The following SYNPO2 variants were observed in gnomAD, a reference collection of about 807,000 sequenced individuals.
The protein encoded by SYNPO2 is synaptopodin-2.
SYNPO2 carries 56 observed loss-of-function variants against 85.0 expected under a neutral mutation model. The observed-to-expected ratio is 0.66, with a 90% CI of 0.53 to 0.82. The LOEUF is 0.82. Ranked by LOEUF, SYNPO2 falls within the 40% of genes least tolerant of loss-of-function variation. SYNPO2 has a pLI of 0.00. For missense variants in SYNPO2, 1,575 were observed against 1,534.2 expected (o/e 1.03, Z -0.44); for synonymous variants, 602 against 591.1 (o/e 1.02, Z -0.27).
chr4:118,898,121 T>C (rs1052243010), intron 1 of SYNPO2, among the ~76,000 whole-genome samples: 5 of 152,168 alleles, frequency 3.3e-5, no homozygotes. Context: ...TGATACCTTG[T>C]TTTTGAAGCA....
chr4:118,855,383 G>A (rs1375176025), intron 1 of SYNPO2, among the ~76,000 whole-genome samples: 1 of 151,950 alleles, frequency 6.6e-6, no homozygotes, highest in Admixed American at 6.6e-5. Context: ...TCTCAATGGA[G>A]GCAAAAAGAC....
intron 4 of SYNPO2, among the ~76,000 whole-genome samples, chr4:119,048,826 A>AT (rs959814787): frequency 2.0e-5 from 3 of 152,186 alleles, no homozygotes; most frequent in Non-Finnish European, 4.4e-5. Flanking sequence ...TAGTTGGCAG[A>AT]TTTTGTGGGG....
intron 4 of SYNPO2, chr4:119,037,712 A>AG: frequency 1.1e-6 from 1 of 946,180 alleles, no homozygotes; most frequent in Non-Finnish European, 1.3e-6. Flanking sequence ...AAGTTTTGAT[A>AG]ATAGCTAACA....
chr4:118,973,076 G>T lies in SYNPO2; in HGVS notation c.106-50354G>T, dbSNP rs547800232. Among the ~76,000 whole-genome samples, 13 of 152,176 alleles carry T rather than the reference G, an allele frequency of 8.5e-5. No individual in the cohort carries two copies. In the South Asian group the frequency reaches 2.7e-3, roughly 32 times the overall value. On this transcript the variant is annotated intron_variant, in intron 1 of 4. Transcript: ENST00000307142. ...TATGGTATTTTTTGATTTATGATGG[G>T]TTTTGTGGGACATAGTCCCATTGTA...
intron 1 of SYNPO2, among the ~76,000 whole-genome samples, chr4:118,929,525 G>C (rs897176252): frequency 1.3e-5 from 2 of 151,972 alleles, no homozygotes; most frequent in Non-Finnish European, 2.9e-5. Flanking sequence ...AAAGTGAAGA[G>C]CTGTCTTTTA....
At chr4:118,864,081 G>A (rs532461082) in intron 1 of SYNPO2, among the ~76,000 whole-genome samples, 2 of 152,144 alleles carry the variant, frequency 1.3e-5, no homozygotes, top group African/African-American at 4.8e-5. Context: ...TTTCTGATGT[G>A]GGCAGTTATA....
At chr4:118,886,717 TATG>T (rs1242623326), upstream of SYNPO2, among the ~76,000 whole-genome samples, 2 of 152,252 alleles carry the variant, frequency 1.3e-5, no homozygotes, top group Non-Finnish European at 2.9e-5. Context: ...GCTCATATTT[TATG>T]ATGTCTCTTG....
intron 3 of SYNPO2, among the ~76,000 whole-genome samples, chr4:119,029,084 G>A (rs1278744804): frequency 1.3e-5 from 2 of 151,882 alleles, no homozygotes; most frequent in East Asian, 1.9e-4. Context: ...CTTGCTGCAA[G>A]GAAAGTAATA....
Position 118,888,893 on chromosome 4 carries a change from C to T in SYNPO2, c.-144C>T. ...CAGGCGGCTGGGGCGGCGGCTGGGG[C>T]AGCGGCTGCAGCAGCGGCGGACGCT... is the stretch of plus-strand genomic sequence containing the variant. On this transcript the variant is annotated 5_prime_UTR_variant, in exon 1 of 5. Coordinates refer to ENST00000307142, the MANE Select transcript of SYNPO2 (RefSeq NM_133477.3). 2.5e-6 allele frequency: 2 copies of T among 806,850 alleles called. No homozygotes were observed. The highest frequency in any genetic ancestry group is 4.0e-6 in the Non-Finnish European group (2 of 496,514). 50.0% of individuals were successfully genotyped at this position (806,850 alleles called of 1,614,324 possible).
rs1005324723 is a variant in SYNPO2, at chr4:118,901,739, C to T, written c.105+12598C>T. ...AAAGAGAATGAATTGACGAGAAACC[C>T]TCCACCCTGCTGGGAGGTGGGTCCC... On this transcript the variant is annotated intron_variant, in intron 1 of 4. Coordinates refer to ENST00000307142, the MANE Select transcript of SYNPO2 (RefSeq NM_133477.3). Among the ~76,000 whole-genome samples, 5 of 152,254 alleles carry T rather than the reference C, an allele frequency of 3.3e-5. No homozygotes were observed. The South Asian group carries it at 6.2e-4, about 19-fold the overall frequency.
chr4:119,020,614 G>A (rs1348542251), intron 1 of SYNPO2, among the ~76,000 whole-genome samples: 1 of 152,036 alleles, frequency 6.6e-6, no homozygotes, highest in Non-Finnish European at 1.5e-5. Context: ...TGACACCTCT[G>A]TTTTATCAAC....
At chr4:118,977,168 C>T (rs1380813774) in intron 1 of SYNPO2, among the ~76,000 whole-genome samples, 2 of 152,224 alleles carry the variant, frequency 1.3e-5, no homozygotes, top group East Asian at 1.9e-4. Flanking sequence ...TCAGGCATGG[C>T]GGGCTGCAGG....
intron 1 of SYNPO2, among the ~76,000 whole-genome samples, chr4:118,919,756 C>T (rs115804698): frequency 2.0e-4 from 31 of 152,178 alleles, no homozygotes; most frequent in Non-Finnish European, 2.6e-4. Context: ...AGAAAGTGTT[C>T]GAGGCAACAG....
At chr4:118,954,698 T>A (rs936411944) in intron 1 of SYNPO2, among the ~76,000 whole-genome samples, 2 of 152,160 alleles carry the variant, frequency 1.3e-5, no homozygotes, top group African/African-American at 4.8e-5. Context: ...TGAAAAACCA[T>A]TGTCTAATAT....
chr4:119,029,820 AT>A (rs58164872), intron 3 of SYNPO2, 24 bp from the exon 4 acceptor site: 5,031 of 1,389,920 alleles, frequency 3.6e-3, no homozygotes, highest in South Asian at 0.012. Context: ...GCTCAATATA[AT>A]TTTTTTTTTT....
At chr4:118,969,372 T>A (rs961898602) in intron 1 of SYNPO2, among the ~76,000 whole-genome samples, 1 of 151,884 alleles carries the variant, frequency 6.6e-6, no homozygotes, top group East Asian at 1.9e-4. Context: ...AACTCTTACA[T>A]GCATGGTGTT....
chr4:118,976,839 A>G (rs950416098), intron 1 of SYNPO2, among the ~76,000 whole-genome samples: 2 of 152,116 alleles, frequency 1.3e-5, no homozygotes, highest in Admixed American at 1.3e-4. Flanking sequence ...CCACGTCCTC[A>G]CCAGAGCAGC....
At chr4:118,897,362 A>C (rs756600606) in intron 1 of SYNPO2, among the ~76,000 whole-genome samples, 1 of 152,186 alleles carries the variant, frequency 6.6e-6, no homozygotes. Context: ...CAGTGGGGAC[A>C]CAGAGCAAAC....
At chr4:118,935,217 G>A (rs951428464) in intron 1 of SYNPO2, among the ~76,000 whole-genome samples, 1 of 152,156 alleles carries the variant, frequency 6.6e-6, no homozygotes, top group Non-Finnish European at 1.5e-5. Flanking sequence ...ATATGTGTGA[G>A]TAGAAAGAGA....
Sources: gnomAD v4.1 joint callset for allele counts (sites outside exome capture counted in the v4.1 genomes callset) on GRCh38, gnomAD v4.1.1 for gene constraint, MANE v1.5 for transcripts, NCBI Gene and HGNC (gene_info 2026-07-23, HGNC 2026-07-21) for gene names.